Variants in NLRP12 observed in about 807,000 individuals in gnomAD.
NLRP12 encodes the protein NACHT, LRR and PYD domains-containing protein 12.
In NLRP12, 108 loss-of-function variants were observed where a neutral mutation model predicts 91.2. The observed-to-expected ratio is 1.18, with a 90% CI of 1.01 to 1.39. The LOEUF (loss-of-function observed/expected upper bound fraction) is 1.39, where lower values mean the gene tolerates loss of function less well. Ranked by LOEUF, NLRP12 falls within the 40% of genes most tolerant of loss-of-function variation. The pLI is 0.00. For missense variants in NLRP12, 1,530 were observed against 1,352.7 expected, an observed-to-expected ratio of 1.13 and a Z score of -2.06; for synonymous variants, 613 against 566.7, an observed-to-expected ratio of 1.08 and a Z score of -1.16.
chr19:53,805,708 G>A (rs778259664), intron 4 of NLRP12: 2 of 481,076 alleles, frequency 4.2e-6, no homozygotes, highest in Non-Finnish European at 3.9e-6. Flanking sequence ...AGTAGAGATG[G>A]GGTTTCACCA....
chr19:53,801,530 G>T (rs761848386), intron 6 of NLRP12, 133 bp from the exon 7 acceptor site: 3 of 1,234,064 alleles, frequency 2.4e-6, no homozygotes, highest in Non-Finnish European at 3.3e-6. Flanking sequence ...CGGCTCAGCT[G>T]CATCCTCCAC....
chr19:53,822,034 T>C (rs2092270135), intron 1 of NLRP12, among the ~76,000 whole-genome samples: 1 of 152,154 alleles, frequency 6.6e-6, no homozygotes, highest in African/African-American at 2.4e-5. Flanking sequence ...TTCTCACTTA[T>C]AAGTGGAAGC....
intron 1 of NLRP12, among the ~76,000 whole-genome samples, chr19:53,821,440 G>A (rs1473454073): frequency 6.6e-6 from 1 of 152,060 alleles, no homozygotes; most frequent in Non-Finnish European, 1.5e-5. Flanking sequence ...AGGCCGAGAC[G>A]GCTGGATCAT....
chr19:53,819,490 CAT>C lies in NLRP12; in HGVS notation c.289+4394_289+4395del, dbSNP rs1479075122. Among the ~76,000 whole-genome samples the C allele has an allele frequency of 8.3e-4, 40 of 47,912 alleles. 14 individuals carry two copies. The highest frequency in any genetic ancestry group is 3.0e-3 in the African/African-American group (37 of 12,524). 31.4% of individuals were successfully genotyped at this position (47,912 alleles called of 152,430 possible). Reference sequence around the variant, plus strand: ...GTGTGTGTGTGTGTGTGTGTATATACATATGTGTATATATATGTATACATATG... The same window carrying C: ...GTGTGTGTGTGTGTGTGTGTATATACATGTGTATATATATGTATACATATG... On this transcript the variant is annotated intron_variant, in intron 1 of 9. Coordinates refer to ENST00000324134, the MANE Select transcript of NLRP12 (RefSeq NM_144687.4).
At position 53,801,442 on chromosome 19, in the gene NLRP12, CTTTTTCTTTTT is replaced by C. The variant is rs749063908; in HGVS notation, c.2586-56_2586-46del. ...ACAAGCATTATGGAGGCTTTCCTTT[CTTTTTCTTTTT>C]TTTTTTTTTTTTTTTTGAGACAGAG... On this transcript the variant is annotated intron_variant, in intron 6 of 9. Coordinates refer to ENST00000324134, the MANE Select transcript of NLRP12 (RefSeq NM_144687.4). The C allele has an allele frequency of 2.3e-4, 300 of 1,304,852 alleles. No individual in the cohort carries two copies. In the African/African-American group the frequency reaches 4.8e-3, roughly 21 times the overall value. The allele number at this position is 1,304,852 out of a possible 1,614,324, so 80.8% of individuals were successfully genotyped here.
At chr19:53,821,933 C>G (rs563971058) in intron 1 of NLRP12, among the ~76,000 whole-genome samples, 42 of 152,182 alleles carry the variant, frequency 2.8e-4, no homozygotes, top group African/African-American at 9.6e-4. Context: ...TAAAAAAGAA[C>G]AAAATCATGT....
At chr19:53,794,223 G>T in intron 9 of NLRP12, 87 bp from the exon 10 acceptor site, 1 of 908,052 alleles carries the variant, frequency 1.1e-6, no homozygotes, top group Non-Finnish European at 1.9e-6. Flanking sequence ...CACTACCGTG[G>T]TAAGATAATT....
Position 53,811,060 on chromosome 19 carries a change from A to G in NLRP12, c.599T>C (p.Phe200Ser). The G allele has an allele frequency of 6.2e-6, 10 of 1,612,588 alleles. No homozygotes were observed. Among genetic ancestry groups the G allele is most frequent in the East Asian group, 2.2e-5 (1 of 44,820 alleles). ...QASPIKIETL[F>S]EPDEERPEPP... ...CTCGGGGCGCTCCTCGTCTGGCTCA[A>G]AGAGGGTCTCTATCTTGATGGGGCT... is the stretch of plus-strand genomic sequence containing the variant. Residue 200 changes from phenylalanine to serine, a missense_variant, in exon 3 of 10, where the codon TTT (phenylalanine) becomes TCT (serine). Physicochemically the swap from Phe to Ser is radical, Grantham distance 155. Transcript: ENST00000324134.
Position 53,796,038 on chromosome 19 carries a change from G to A in NLRP12, c.2928-9C>T, listed in dbSNP as rs2077933120. 1.9e-6 allele frequency: 3 copies of A among 1,613,840 alleles called. No homozygotes were observed. The highest frequency in any genetic ancestry group is 3.3e-5 in the Admixed American group (2 of 59,984). On this transcript the variant is annotated splice_polypyrimidine_tract_variant and intron_variant, in intron 8 of 9. Transcript: ENST00000324134. ...GGCCACAGCTATCCAGCCTGGTGAA[G>A]ATAAGGAGTTGGTTAAGGTAACACC...
intron 3 of NLRP12, chr19:53,807,976 C>G (rs2091990081): frequency 1.9e-5 from 7 of 376,986 alleles, no homozygotes; most frequent in South Asian, 1.4e-4. Flanking sequence ...TCTCGTACTC[C>G]TGACCTCAGG....
chr19:53,805,319 T>TC lies in NLRP12; in HGVS notation c.2374dup (p.Glu792GlyfsTer40). The TC allele has an allele frequency of 6.2e-7, 1 of 1,614,104 alleles. No homozygotes were observed. Among genetic ancestry groups the TC allele is most frequent in the African/African-American group, 1.3e-5 (1 of 75,040 alleles). ...CCTGCACTGGGGATGCCGCAGGCCC[T>TC]CGCAAAGCAGCATCATGCCTGGGAA... On this transcript the variant is annotated frameshift_variant, in exon 5 of 10. Transcript: ENST00000324134. LOFTEE classifies it high-confidence loss of function.
At chr19:53,820,419 A>T (rs1160615701) in intron 1 of NLRP12, among the ~76,000 whole-genome samples, 1 of 151,956 alleles carries the variant, frequency 6.6e-6, no homozygotes, top group African/African-American at 2.4e-5. Flanking sequence ...AGTCCCAGCT[A>T]CTCAGGAGGC....
At chr19:53,823,423 T>TATATGTTTAAA (rs1363310431) in intron 1 of NLRP12, among the ~76,000 whole-genome samples, 1 of 109,912 alleles carries the variant, frequency 9.1e-6, no homozygotes, top group Admixed American at 1.2e-4. Context: ...ATGTTTTAAA[T>TATATGTTTAAA]ATATATATTT....
At chr19:53,796,986 A>T (rs73054777) in intron 8 of NLRP12, among the ~76,000 whole-genome samples, 18,787 of 139,964 alleles carry the variant, frequency 0.13, 1,488 homozygotes, top group Middle Eastern at 0.24. Context: ...ACCCTGTTTT[A>T]AAAAAAAAAA....
chr19:53,796,862 C>T (rs1375022265), intron 8 of NLRP12, among the ~76,000 whole-genome samples: 6 of 149,030 alleles, frequency 4.0e-5, no homozygotes, highest in South Asian at 4.4e-4. Context: ...GGGGTGGTGG[C>T]GCATGCCTGT....
In NLRP12 at chr19:53,809,881, T is replaced by A; in HGVS notation, c.1778A>T (p.Gln593Leu). The A allele has an allele frequency of 6.2e-7, 1 of 1,614,094 alleles. No individual in the cohort carries two copies. Among genetic ancestry groups the A allele is most frequent in the Non-Finnish European group, 8.5e-7 (1 of 1,180,026 alleles). ...GCTCTGAGCTTTGCTTTGGATCCACTGCAACAGGTCCATCTTGATGTGCGG... is the reference window on the plus strand; with the variant it reads ...GCTCTGAGCTTTGCTTTGGATCCACAGCAACAGGTCCATCTTGATGTGCGG... ...VSPHIKMDLL[Q>L]WIQSKAQSDG... Residue 593 changes from glutamine (Q) to leucine (L), a missense_variant, in exon 3 of 10, where the codon CAG (glutamine) becomes CTG (leucine). Gln to Leu is a moderately radical substitution (Grantham distance 113, BLOSUM62 -2). Transcript: ENST00000324134.
In NLRP12 at chr19:53,809,572, C is replaced by T. The variant is rs957499316; in HGVS notation, c.2072+15G>A. 6.3e-7 allele frequency: 1 copy of T among 1,577,732 alleles called. No individual in the cohort carries two copies. Among genetic ancestry groups the T allele is most frequent in the Non-Finnish European group, 8.7e-7 (1 of 1,151,426 alleles). On this transcript the variant is annotated intron_variant, in intron 3 of 9. Coordinates refer to ENST00000324134, the MANE Select transcript of NLRP12 (RefSeq NM_144687.4). ...GAACCTAAGCAGCCCCAGGGGATAC[C>T]CCAGGGATACTTACAGCTGCACCAA...
chr19:53,816,086 G>A (rs1051667531), intron 1 of NLRP12, among the ~76,000 whole-genome samples: 16 of 151,792 alleles, frequency 1.1e-4, no homozygotes, highest in African/African-American at 3.4e-4. Flanking sequence ...AAAGGCCTTC[G>A]TTTGGATATA....
At chr19:53,797,053 C>T (rs902237262) in intron 8 of NLRP12, among the ~76,000 whole-genome samples, 2 of 151,794 alleles carry the variant, frequency 1.3e-5, no homozygotes, top group African/African-American at 4.8e-5. Context: ...CAGATTAGGG[C>T]TACAGCTGGC....
Sources: allele counts gnomAD v4.1 joint callset (sites outside exome capture counted in the v4.1 genomes callset), GRCh38; gene constraint gnomAD v4.1.1; transcripts MANE v1.5; gene names NCBI Gene and HGNC (gene_info 2026-07-23, HGNC 2026-07-21).